Variants in CMIP observed in about 807,000 individuals in gnomAD.
CMIP encodes the protein c-Maf inducing protein.
Under a neutral mutation model 97.3 loss-of-function variants are expected in CMIP, and 13 were observed. The ratio of observed to expected loss-of-function variants is 0.13; its 90% CI spans 0.09 to 0.21. The LOEUF is 0.21. CMIP is among the 10% of genes least tolerant of loss of function. The pLI is 1.00. For synonymous variants in CMIP, 538 were observed against 436.3 expected (o/e 1.23, Z -2.91); for missense variants, 847 against 1,024.9 (o/e 0.83, Z 2.37).
chr16:81,693,335 C>G lies in CMIP; in HGVS notation c.1482-104C>G, dbSNP rs183068907. 4.7e-6 allele frequency: 7 copies of G among 1,497,492 alleles called. No homozygotes were observed. The African/African-American group carries it at 9.7e-5, about 21-fold the overall frequency. The allele number at this position is 1,497,492 out of a possible 1,614,324, so 92.8% of individuals were successfully genotyped here. A position where few individuals can be genotyped will look rare whatever the true frequency, so the allele number is the denominator to read the frequency against. On this transcript the variant is annotated intron_variant, in intron 12 of 20. Coordinates refer to ENST00000537098, the MANE Select transcript of CMIP (RefSeq NM_198390.3). The stretch of plus-strand genomic sequence containing the variant: ...CGTGTCCCTGATCCACCGCCTTGCC[C>G]AGCTCCCTGGCCCGTTCTTCCTTGA...
At chr16:81,601,264 C>T (rs1490797083) in intron 1 of CMIP, among the ~76,000 whole-genome samples, 2 of 152,198 alleles carry the variant, frequency 1.3e-5, no homozygotes, top group African/African-American at 4.8e-5. Context: ...TTGAGTCAGC[C>T]TGGACGTCAT....
intron 10 of CMIP, among the ~76,000 whole-genome samples, chr16:81,690,805 A>G (rs937951884): frequency 1.3e-5 from 2 of 152,196 alleles, no homozygotes; most frequent in African/African-American, 4.8e-5. Flanking sequence ...GCACGCCTAT[A>G]ATCCCAGCTG....
Position 81,627,570 on chromosome 16 carries a change from C to A in CMIP, c.477+6644C>A, listed in dbSNP as rs2092090766. On this transcript the variant is annotated intron_variant, in intron 3 of 20. Transcript: ENST00000537098. The surrounding 1 kb of genome is among the most constrained non-coding windows in gnomAD (Gnocchi z 4.6). ...TGGGAGGGCTAGGGTGGGTGGGAAG[C>A]CCGCCCTCGAGACTGTCTCTGCCCG... 6.6e-6 allele frequency among the ~76,000 whole-genome samples: 1 copy of A among 152,018 alleles called. No homozygotes were observed. Among genetic ancestry groups the A allele is most frequent in the South Asian group, 2.1e-4 (1 of 4,834 alleles).
chr16:81,532,811 CTG>C (rs2090265360), intron 1 of CMIP, among the ~76,000 whole-genome samples: 1 of 152,212 alleles, frequency 6.6e-6, no homozygotes, highest in Non-Finnish European at 1.5e-5. Flanking sequence ...CAATGATTAA[CTG>C]TGTGACCTTG....
intron 3 of CMIP, among the ~76,000 whole-genome samples, chr16:81,635,239 T>C (rs1188629275): frequency 6.6e-6 from 1 of 151,306 alleles, no homozygotes; most frequent in Admixed American, 6.6e-5. Context: ...TGCAAATTGC[T>C]TTTTCGCTCT....
chr16:81,508,726 G>A (rs891568748), intron 1 of CMIP, among the ~76,000 whole-genome samples: 1 of 152,216 alleles, frequency 6.6e-6, no homozygotes, highest in African/African-American at 2.4e-5. Flanking sequence ...AGGGTGCTCC[G>A]TGAGACAGAT....
chr16:81,676,987 C>A (rs1904341532), intron 9 of CMIP, among the ~76,000 whole-genome samples: 1 of 152,214 alleles, frequency 6.6e-6, no homozygotes, highest in Non-Finnish European at 1.5e-5. Context: ...ATTAGTGGAT[C>A]TCAACCTTGA....
At chr16:81,473,830 T>C (rs1907715331) in intron 1 of CMIP, among the ~76,000 whole-genome samples, 2 of 151,616 alleles carry the variant, frequency 1.3e-5, no homozygotes, top group Non-Finnish European at 2.9e-5. Context: ...TTTTTTTTTT[T>C]TCTTAAAGCT....
At chr16:81,654,327 C>T (rs1341968037) in intron 4 of CMIP, among the ~76,000 whole-genome samples, 1 of 152,150 alleles carries the variant, frequency 6.6e-6, no homozygotes, top group African/African-American at 2.4e-5. Context: ...CCACCTTGGC[C>T]TCCCAAAGTG....
chr16:81,661,001 G>A (rs1268666570), intron 6 of CMIP, 55 bp downstream of exon 6: 24 of 1,604,362 alleles, frequency 1.5e-5, no homozygotes, highest in East Asian at 4.5e-5. Flanking sequence ...CCCTCTGTGC[G>A]CATACCAGGG....
chr16:81,614,752 T>A lies in CMIP; in HGVS notation c.427-6124T>A, dbSNP rs576146067. Among the ~76,000 whole-genome samples the A allele has an allele frequency of 3.8e-4, 57 of 151,836 alleles. No homozygotes were observed. Among genetic ancestry groups the A allele is most frequent in the African/African-American group, 1.3e-3 (52 of 41,306 alleles). The stretch of plus-strand genomic sequence containing the variant: ...ATGTGTGTCTCTGTGAGTGTGTATG[T>A]GTCTATGTCTGTGGTGTGTGTGGTA... On this transcript the variant is annotated intron_variant, in intron 2 of 20. Coordinates refer to ENST00000537098, the MANE Select transcript of CMIP (RefSeq NM_198390.3). The surrounding 1 kb of genome is among the most constrained non-coding windows in gnomAD (Gnocchi z 5.3).
chr16:81,691,948 A>G (rs1158797112), intron 11 of CMIP, 108 bp downstream of exon 11: 2 of 980,038 alleles, frequency 2.0e-6, no homozygotes, highest in East Asian at 2.5e-5. Context: ...GCGAAGTCAC[A>G]GCGGGAAGAC....
At chr16:81,505,453 A>C (rs1276040015) in intron 1 of CMIP, among the ~76,000 whole-genome samples, 1 of 152,156 alleles carries the variant, frequency 6.6e-6, no homozygotes, top group Non-Finnish European at 1.5e-5. Context: ...TGGTTTTCAA[A>C]GGCAGCGGGG....
chr16:81,492,704 G>C (rs940254696), intron 1 of CMIP, among the ~76,000 whole-genome samples: 1 of 152,116 alleles, frequency 6.6e-6, no homozygotes, highest in Non-Finnish European at 1.5e-5. Flanking sequence ...AAGGGGGGAA[G>C]AGAAACAAAG....
intron 1 of CMIP, among the ~76,000 whole-genome samples, chr16:81,547,579 A>C (rs78271777): frequency 0.014 from 2,090 of 151,902 alleles, 44 homozygotes; most frequent in African/African-American, 0.048. Flanking sequence ...TTCAGGCAAA[A>C]GCGAGGGTTT....
chr16:81,541,940 A>AT (rs2090457215), intron 1 of CMIP, among the ~76,000 whole-genome samples: 2 of 152,176 alleles, frequency 1.3e-5, no homozygotes, highest in African/African-American at 4.8e-5. Flanking sequence ...TCATGTTTTA[A>AT]TTTTCTCCTT....
At chr16:81,449,415 G>C (rs1258085902) in intron 1 of CMIP, among the ~76,000 whole-genome samples, 1 of 152,144 alleles carries the variant, frequency 6.6e-6, no homozygotes, top group Non-Finnish European at 1.5e-5. Context: ...ACTTTGTTTA[G>C]CACAGGCTTA....
chr16:81,508,155 G>T (rs1167444221), intron 1 of CMIP, among the ~76,000 whole-genome samples: 1 of 152,216 alleles, frequency 6.6e-6, no homozygotes, highest in Non-Finnish European at 1.5e-5. Context: ...TATTAAATGT[G>T]TGCATTTATT....
chr16:81,518,523 A>T (rs1361667098), intron 1 of CMIP: 3 of 152,316 alleles, frequency 2.0e-5, no homozygotes, highest in African/African-American at 4.8e-5. Flanking sequence ...AAGGGAAGTG[A>T]TGTACGCTGA....
Sources: allele counts gnomAD v4.1 joint callset (sites outside exome capture counted in the v4.1 genomes callset), GRCh38; gene constraint gnomAD v4.1.1; non-coding constraint Gnocchi (gnomAD v3.1); transcripts MANE v1.5; gene names NCBI Gene and HGNC (gene_info 2026-07-23, HGNC 2026-07-21).